The following CKB variants were observed in gnomAD, a reference collection of about 807,000 sequenced individuals.
CKB encodes the protein creatine kinase B.
In CKB, 15 loss-of-function variants were observed where a neutral mutation model predicts 36.9. That is an observed-to-expected ratio of 0.41 (90% CI 0.27 to 0.63). The LOEUF (loss-of-function observed/expected upper bound fraction) is 0.63. Ranked by LOEUF, CKB falls within the 20% of genes least tolerant of loss-of-function variation. The probability of loss-of-function intolerance (pLI) is 0.34; values close to 1 mark genes in which losing one functional copy is unlikely to be tolerated. For synonymous variants in CKB, 250 were observed against 228.2 expected (o/e 1.10, Z -0.86); for missense variants, 413 against 534.9 (o/e 0.77, Z 2.25).
rs981075246 is a variant in CKB, at chr14:103,522,704, C to G, written c.-13+62G>C. 6.3e-6 allele frequency: 1 copy of G among 158,614 alleles called. No individual in the cohort carries two copies. The highest frequency in any genetic ancestry group is 1.9e-4 in the East Asian group (1 of 5,296). 9.8% of individuals were successfully genotyped at this position (158,614 alleles called of 1,614,324 possible). ...CCGGCGCGCGCTCCAGGCGACGCGC[C>G]CCCTTTGCACGCAGCGCCCCTAGCC... is the stretch of plus-strand genomic sequence containing the variant. On this transcript the variant is annotated intron_variant, in intron 1 of 7. Coordinates refer to ENST00000348956, the MANE Select transcript of CKB (RefSeq NM_001823.5). The surrounding 1 kb of genome is among the most constrained non-coding windows in gnomAD (Gnocchi z 6.7).
At position 103,520,592 on chromosome 14, in the gene CKB, C is replaced by T; in HGVS notation, c.654G>A (p.Trp218Ter). 6.2e-7 allele frequency: 1 copy of T among 1,611,526 alleles called. No individual in the cohort carries two copies. The highest frequency in any genetic ancestry group is 2.2e-5 in the East Asian group (1 of 44,834). ...ARDWPDARGI[W>*]HNDNKTFLVW... Reference sequence around the variant, plus strand: ...CCAGGAAGGTCTTATTGTCATTGTGCCTGCGGGAGGGCTGGTCTCAGGGCA... The same window carrying T: ...CCAGGAAGGTCTTATTGTCATTGTGTCTGCGGGAGGGCTGGTCTCAGGGCA... Residue 218 changes from tryptophan to a stop codon, truncating the protein, a stop_gained and splice_region_variant, in exon 6 of 8, where the codon TGG becomes TGA. Transcript: ENST00000348956. LOFTEE classifies it high-confidence loss of function.
rs1200272194 is a variant in CKB at position 103,522,587 on chromosome 14, GGCCCCCCGGC to G, written c.-12-92_-12-83del. On this transcript the variant is annotated intron_variant, in intron 1 of 7. Transcript: ENST00000348956. This position sits in a 1 kb window ranked among gnomAD's most constrained non-coding sequence, Gnocchi z 6.7. ...CGTACCACTCAGGCCCCCGCCGCCG[GGCCCCCCGGC>G]GCCCCCCGGGACGCGGCCAAGGTCA... The G allele has an allele frequency of 7.5e-6, 7 of 933,364 alleles. No homozygotes were observed. The highest frequency in any genetic ancestry group is 1.0e-5 in the Non-Finnish European group (7 of 697,130). 57.8% of individuals were successfully genotyped at this position (933,364 alleles called of 1,614,324 possible).
chr14:103,520,979 G>A (rs1283843660), intron 5 of CKB: 4 of 578,040 alleles, frequency 6.9e-6, no homozygotes, highest in East Asian at 3.1e-5. Flanking sequence ...GGGGAGAGGC[G>A]CCAGAGAGCC....
At position 103,519,850 on chromosome 14, in the gene CKB, G is replaced by GT. The variant is rs1363880292; in HGVS notation, c.*13dup. 2 of 1,590,964 alleles carry GT rather than the reference G, an allele frequency of 1.3e-6. No homozygotes were observed. ...TAGGAAGCAGCAGGGCTGGTGTCGG[G>GT]TGTGGGCCGGGCTTCATTTCTGGGC... On this transcript the variant is annotated 3_prime_UTR_variant, in exon 8 of 8. Coordinates refer to ENST00000348956, the MANE Select transcript of CKB (RefSeq NM_001823.5).
Position 103,522,044 on chromosome 14 carries a change from G to A in CKB, c.327C>T (p.Asp109=). ...GYKPSDEHKT[D]LNPDNLQGGD... is the part of the protein sequence containing the mutation. ...GCACCTGCAGGTTGTCGGGGTTGAG[G>A]TCGGTCTTGTGCTCATCGCTGGGCT... Residue 109 remains aspartate (D), a synonymous_variant, in exon 3 of 8, where the codon GAC becomes GAT. Coordinates refer to ENST00000348956, the MANE Select transcript of CKB (RefSeq NM_001823.5). This position sits in a 1 kb window ranked among gnomAD's most constrained non-coding sequence, Gnocchi z 6.7. 1 of 1,551,880 alleles carries A rather than the reference G, an allele frequency of 6.4e-7. No homozygotes were observed. The highest frequency in any genetic ancestry group is 1.2e-5 in the South Asian group (1 of 84,280).
At chr14:103,521,043 C>T in intron 5 of CKB, 2 of 691,682 alleles carry the variant, frequency 2.9e-6, no homozygotes, top group South Asian at 1.6e-5. Context: ...CCTGAGCCCC[C>T]ACGGGCCGGG....
chr14:103,519,741 G>T lies in CKB; in HGVS notation c.*123C>A. The T allele has an allele frequency of 9.1e-7, 1 of 1,101,178 alleles. No homozygotes were observed. Among genetic ancestry groups the T allele is most frequent in the South Asian group, 1.6e-5 (1 of 62,484 alleles). 68.2% of individuals were successfully genotyped at this position (1,101,178 alleles called of 1,614,324 possible). A position where few individuals can be genotyped will look rare whatever the true frequency, so the allele number is the denominator to read the frequency against. ...CAAAAAAATAAACTCTACCAAGGGTGACGGAAGTCTCTACAGCAAGGCTAA... is the reference window on the plus strand; with the variant it reads ...CAAAAAAATAAACTCTACCAAGGGTTACGGAAGTCTCTACAGCAAGGCTAA... On this transcript the variant is annotated 3_prime_UTR_variant, in exon 8 of 8. Transcript: ENST00000348956.
chr14:103,519,772 C>T lies in CKB; in HGVS notation c.*92G>A, dbSNP rs563414910. ...AGTCTCTACAGCAAGGCTAAGGGCT[C>T]GCCAGACGGCGAACATCAGGGGTGC... On this transcript the variant is annotated 3_prime_UTR_variant, in exon 8 of 8. Coordinates refer to ENST00000348956, the MANE Select transcript of CKB (RefSeq NM_001823.5). 1.1e-4 allele frequency: 165 copies of T among 1,442,934 alleles called. No homozygotes were observed. The highest frequency in any genetic ancestry group is 1.4e-4 in the Non-Finnish European group (150 of 1,075,904). 89.4% of individuals were successfully genotyped at this position (1,442,934 alleles called of 1,614,324 possible). A position where few individuals can be genotyped will look rare whatever the true frequency, so the allele number is the denominator to read the frequency against.
At chr14:103,521,070 C>T in intron 5 of CKB, 193 bp downstream of exon 5, 2 of 752,968 alleles carry the variant, frequency 2.7e-6, no homozygotes, top group Non-Finnish European at 4.6e-6. Context: ...TCCCTTAACG[C>T]ACCTGCTCGG....
Position 103,520,301 on chromosome 14 carries a change from A to G in CKB, c.788T>C (p.Leu263Pro), listed in dbSNP as rs1321077682. Reference protein sequence around the residue: ...FCTGLTQIETLFKSKDYEFMW... With the variant: ...FCTGLTQIETPFKSKDYEFMW... ...GAACTCATAGTCCTTAGACTTGAAG[A>G]GAGTTTCAATCTGCAGACGGAGAAG... Residue 263 changes from leucine to proline, a missense_variant, in exon 7 of 8, where the codon CTC (leucine) becomes CCC (proline). Around this residue, in one of 3 missense-constraint regions of CKB, gnomAD observed 314 missense variants for 409.4 expected, o/e 0.77. Transcript: ENST00000348956. 5 of 1,606,580 alleles carry G rather than the reference A, an allele frequency of 3.1e-6. No homozygotes were observed. Among genetic ancestry groups the G allele is most frequent in the Non-Finnish European group, 3.4e-6 (4 of 1,175,398 alleles).
In CKB at chr14:103,522,244, C is replaced by T; in HGVS notation, c.193+57G>A. On this transcript the variant is annotated intron_variant, in intron 2 of 7. Transcript: ENST00000348956. The surrounding 1 kb of genome is among the most constrained non-coding windows in gnomAD (Gnocchi z 6.7). ...CGGGCCCGAGCGCGCTGCTGAGGACCCTGCGGCTGCGCGGGGGGAGGGGGG... is the reference window on the plus strand; with the variant it reads ...CGGGCCCGAGCGCGCTGCTGAGGACTCTGCGGCTGCGCGGGGGGAGGGGGG... 1 of 1,572,260 alleles carries T rather than the reference C, an allele frequency of 6.4e-7. No homozygotes were observed. The highest frequency in any genetic ancestry group is 8.6e-7 in the Non-Finnish European group (1 of 1,162,618).
intron 4 of CKB, 95 bp from the exon 5 acceptor site, chr14:103,521,529 G>T: frequency 8.2e-7 from 1 of 1,217,832 alleles, no homozygotes; most frequent in Non-Finnish European, 1.1e-6. Flanking sequence ...CTCGGGGGAC[G>T]TCAGAGGGCC....
Position 103,522,496 on chromosome 14 carries a change from C to A in CKB, c.-3G>T. 7.0e-7 allele frequency: 1 copy of A among 1,429,080 alleles called. No homozygotes were observed. The highest frequency in any genetic ancestry group is 1.5e-5 in the African/African-American group (1 of 67,078). The allele number at this position is 1,429,080 out of a possible 1,614,324, so 88.5% of individuals were successfully genotyped here. A position where few individuals can be genotyped will look rare whatever the true frequency, so the allele number is the denominator to read the frequency against. On this transcript the variant is annotated 5_prime_UTR_variant, in exon 2 of 8. Coordinates refer to ENST00000348956, the MANE Select transcript of CKB (RefSeq NM_001823.5). This position sits in a 1 kb window ranked among gnomAD's most constrained non-coding sequence, Gnocchi z 6.7. ...TTGTGGCTGTTGGAGAAGGGCATGGCGGCGGCGGGCTGCGGGGAGACGCGG... is the reference window on the plus strand; with the variant it reads ...TTGTGGCTGTTGGAGAAGGGCATGGAGGCGGCGGGCTGCGGGGAGACGCGG...
rs1163347131 is a variant in CKB, at chr14:103,522,817, C to G, written c.-64G>C. 3 of 151,144 alleles carry G rather than the reference C, an allele frequency of 2.0e-5. No homozygotes were observed. Among genetic ancestry groups the G allele is most frequent in the African/African-American group, 7.3e-5 (3 of 41,314 alleles). The allele number at this position is 151,144 out of a possible 1,614,324, so 9.4% of individuals were successfully genotyped here. A position where few individuals can be genotyped will look rare whatever the true frequency, so the allele number is the denominator to read the frequency against. The stretch of plus-strand genomic sequence containing the variant: ...CTCCGTCCGTCGGCAGCTCCCGGAG[C>G]GACGCAGGCGAACAGCGGCCGCTCC... On this transcript the variant is annotated 5_prime_UTR_variant, in exon 1 of 8. Transcript: ENST00000348956. This position sits in a 1 kb window ranked among gnomAD's most constrained non-coding sequence, Gnocchi z 6.7.
chr14:103,519,927 G>A lies in CKB; in HGVS notation c.1083C>T (p.Ile361=), dbSNP rs748141906. ...QMVVDGVKLL[I]EMEQRLEQGQ... is the part of the protein sequence containing the mutation. Reference sequence around the variant, plus strand: ...CCTGCTCCAGCCGCTGCTCCATCTCGATGAGCAGCTTCACTCCGTCCACCA... The same window carrying A: ...CCTGCTCCAGCCGCTGCTCCATCTCAATGAGCAGCTTCACTCCGTCCACCA... Residue 361 remains isoleucine (I), a synonymous_variant, in exon 8 of 8, where the codon ATC becomes ATT. Transcript: ENST00000348956. 2 of 1,609,732 alleles carry A rather than the reference G, an allele frequency of 1.2e-6. No homozygotes were observed. Among genetic ancestry groups the A allele is most frequent in the Non-Finnish European group, 1.7e-6 (2 of 1,179,958 alleles).
In CKB at chr14:103,521,812, C is replaced by A. The variant is rs778873258; in HGVS notation, c.481+6G>T. 7 of 1,473,716 alleles carry A rather than the reference C, an allele frequency of 4.7e-6. No homozygotes were observed. The Middle Eastern group carries it at 7.2e-4, about 151-fold the overall frequency. The allele number at this position is 1,473,716 out of a possible 1,614,324, so 91.3% of individuals were successfully genotyped here. On this transcript the variant is annotated splice_donor_region_variant and intron_variant, in intron 4 of 7. Coordinates refer to ENST00000348956, the MANE Select transcript of CKB (RefSeq NM_001823.5). ...GCCGCCGCCCCTCGGCCCGCCCGGCCCCTACCTTCCACCGCGAGCTTCTCG... is the reference window on the plus strand; with the variant it reads ...GCCGCCGCCCCTCGGCCCGCCCGGCACCTACCTTCCACCGCGAGCTTCTCG...
intron 6 of CKB, 44 bp downstream of exon 6, chr14:103,520,425 C>T: frequency 6.3e-7 from 1 of 1,591,274 alleles, no homozygotes; most frequent in Admixed American, 1.8e-5. Flanking sequence ...GCACCCACAT[C>T]CCTGCTGGGG....
chr14:103,521,204 G>A, intron 5 of CKB, 59 bp downstream of exon 5: 4 of 1,524,220 alleles, frequency 2.6e-6, no homozygotes, highest in Middle Eastern at 2.0e-4. Flanking sequence ...GGGGGCGAGA[G>A]GGAAAGCGGA....
intron 3 of CKB, 34 bp downstream of exon 3, chr14:103,521,989 G>A (rs1363968259): frequency 1.9e-6 from 3 of 1,542,800 alleles, no homozygotes; most frequent in Admixed American, 2.0e-5. Context: ...GAAGACCCCG[G>A]CCCCGCCCGC....
Sources: allele counts gnomAD v4.1 joint callset, GRCh38; gene constraint gnomAD v4.1.1; regional missense constraint gnomAD v4.1.1; non-coding constraint Gnocchi (gnomAD v3.1); transcripts MANE v1.5; gene names NCBI Gene and HGNC (gene_info 2026-07-23, HGNC 2026-07-21).